The following JAM2 variants were observed in gnomAD, a reference collection of about 807,000 sequenced individuals.
JAM2 encodes junctional adhesion molecule 2.
A neutral mutation model predicts 42.0 loss-of-function variants in JAM2; 17 were observed. The observed-to-expected ratio is 0.40, with a 90% CI of 0.28 to 0.61. The LOEUF is 0.61. Ranked by LOEUF, JAM2 falls within the 20% of genes least tolerant of loss-of-function variation. The pLI is 0.37. For missense variants in JAM2, 319 were observed against 358.3 expected, an observed-to-expected ratio of 0.89 and a Z score of 0.89; for synonymous variants, 118 against 128.6, an observed-to-expected ratio of 0.92 and a Z score of 0.56.
At chr21:25,684,137 A>G (rs2033699050) in intron 2 of JAM2, among the ~76,000 whole-genome samples, 189 bp downstream of exon 2, 1 of 152,240 alleles carries the variant, frequency 6.6e-6, no homozygotes, top group African/African-American at 2.4e-5. Context: ...GAAATTTTCG[A>G]TATTCAATAA....
chr21:25,660,434 C>T (rs934932709), intron 1 of JAM2, among the ~76,000 whole-genome samples: 14 of 152,032 alleles, frequency 9.2e-5, no homozygotes, highest in African/African-American at 3.4e-4. Context: ...GGGATTACTT[C>T]CCCCAGGGGG....
At chr21:25,670,894 A>C (rs895090524) in intron 1 of JAM2, among the ~76,000 whole-genome samples, 3 of 152,202 alleles carry the variant, frequency 2.0e-5, no homozygotes, top group Non-Finnish European at 2.9e-5. Flanking sequence ...CTTCCTGAGG[A>C]CTAATCAAAG....
At chr21:25,657,293 C>T (rs891475418) in intron 1 of JAM2, among the ~76,000 whole-genome samples, 4 of 152,138 alleles carry the variant, frequency 2.6e-5, no homozygotes, top group Non-Finnish European at 5.9e-5. Context: ...GGATTACAGG[C>T]GTAAGCCACT....
intron 1 of JAM2, among the ~76,000 whole-genome samples, chr21:25,644,475 C>T (rs765744472): frequency 3.9e-5 from 6 of 152,160 alleles, no homozygotes; most frequent in African/African-American, 1.4e-4. Context: ...TCCCCACTCA[C>T]GGCCCTGCGA....
chr21:25,685,524 C>CAAAA lies in JAM2; in HGVS notation c.133+1597_133+1600dup, dbSNP rs776114627. Among the ~76,000 whole-genome samples, 189 of 50,350 alleles carry CAAAA rather than the reference C, an allele frequency of 3.8e-3. 3 individuals are homozygous for CAAAA. The highest frequency in any genetic ancestry group is 0.014 in the African/African-American group (149 of 10,938). 33.0% of individuals were successfully genotyped at this position (50,350 alleles called of 152,430 possible). On this transcript the variant is annotated intron_variant, in intron 2 of 9. Coordinates refer to ENST00000480456, the MANE Select transcript of JAM2 (RefSeq NM_021219.4). ...TGGACAACAAAGAGAGAGAATGTCT[C>CAAAA]AAAAAAAAAAAAAAAAAAAAAAAAG...
Position 25,639,633 on chromosome 21 carries a change from G to T in JAM2, c.-189G>T. On this transcript the variant is annotated 5_prime_UTR_variant, in exon 1 of 10. Transcript: ENST00000480456. ...CCCTGGGCTGGAGGACCCGCCTCTTGGCAGCCAGCTGAGAAGGCGCCCCGG... is the reference window on the plus strand; with the variant it reads ...CCCTGGGCTGGAGGACCCGCCTCTTTGCAGCCAGCTGAGAAGGCGCCCCGG... 2 of 514,618 alleles carry T rather than the reference G, an allele frequency of 3.9e-6. No individual in the cohort carries two copies. Among genetic ancestry groups the T allele is most frequent in the Non-Finnish European group, 6.9e-6 (2 of 290,474 alleles). 31.9% of individuals were successfully genotyped at this position (514,618 alleles called of 1,614,324 possible).
intron 1 of JAM2, among the ~76,000 whole-genome samples, chr21:25,647,732 C>T (rs957738972): frequency 1.3e-5 from 2 of 152,134 alleles, no homozygotes; most frequent in Non-Finnish European, 2.9e-5. Flanking sequence ...CAAAGGAGAA[C>T]GTGTGTGCAC....
intron 1 of JAM2, among the ~76,000 whole-genome samples, chr21:25,668,894 G>A (rs2033287442): frequency 6.6e-6 from 1 of 152,148 alleles, no homozygotes; most frequent in South Asian, 2.1e-4. Flanking sequence ...TTAAGAAGAA[G>A]GGTGTGATGG....
intron 7 of JAM2, among the ~76,000 whole-genome samples, chr21:25,709,045 C>T (rs575379333): frequency 5.9e-5 from 9 of 152,152 alleles, no homozygotes; most frequent in East Asian, 5.8e-4. Context: ...TGATAGGGCC[C>T]GCTGACTTTG....
rs957413672 is a variant in JAM2, at chr21:25,715,721, C to T, written c.*1049C>T. 6 of 152,134 alleles carry T rather than the reference C, an allele frequency of 3.9e-5. No homozygotes were observed. Among genetic ancestry groups the T allele is most frequent in the Non-Finnish European group, 5.9e-5 (4 of 68,040 alleles). The allele number at this position is 152,134 out of a possible 1,614,324, so 9.4% of individuals were successfully genotyped here. A position where few individuals can be genotyped will look rare whatever the true frequency, so the allele number is the denominator to read the frequency against. On this transcript the variant is annotated 3_prime_UTR_variant, in exon 10 of 10. Transcript: ENST00000480456. The stretch of plus-strand genomic sequence containing the variant: ...GTGGGCACATGAGCAATGGCTCAAA[C>T]GAAAAGTGGATCTAATGTGGGTTTC...
intron 1 of JAM2, among the ~76,000 whole-genome samples, chr21:25,648,003 G>A (rs2032662114): frequency 6.6e-6 from 1 of 152,178 alleles, no homozygotes; most frequent in South Asian, 2.1e-4. Context: ...CTGAGGTCAG[G>A]AGTTTGAAAC....
chr21:25,710,118 C>G (rs914759665), intron 8 of JAM2: 1 of 152,060 alleles, frequency 6.6e-6, no homozygotes, highest in Non-Finnish European at 1.5e-5. Flanking sequence ...GATGATTACC[C>G]AGACAAGAAA....
In JAM2 at chr21:25,706,098, T is replaced by C. The variant is rs375003996; in HGVS notation, c.805+12T>C. On this transcript the variant is annotated intron_variant, in intron 7 of 9. Coordinates refer to ENST00000480456, the MANE Select transcript of JAM2 (RefSeq NM_021219.4). Reference sequence around the variant, plus strand: ...AGGCTACTTTTCAAGTAAGTGAATTTCACCCTTCTTTGGCAGATAACTTTC... The same window carrying C: ...AGGCTACTTTTCAAGTAAGTGAATTCCACCCTTCTTTGGCAGATAACTTTC... 6.3e-5 allele frequency: 95 copies of C among 1,510,808 alleles called. No homozygotes were observed. Among genetic ancestry groups the C allele is most frequent in the Non-Finnish European group, 8.4e-5 (91 of 1,085,654 alleles). The allele number at this position is 1,510,808 out of a possible 1,614,324, so 93.6% of individuals were successfully genotyped here.
chr21:25,689,156 C>T (rs903179819), intron 2 of JAM2, among the ~76,000 whole-genome samples: 8 of 151,988 alleles, frequency 5.3e-5, no homozygotes, highest in Non-Finnish European at 1.0e-4. Flanking sequence ...GGCAGTTACA[C>T]TTGATGCTAA....
chr21:25,693,977 A>C (rs1601045023), intron 4 of JAM2, 69 bp downstream of exon 4: 1 of 1,477,822 alleles, frequency 6.8e-7, no homozygotes, highest in East Asian at 2.3e-5. Flanking sequence ...GGGGGCAAGC[A>C]AGCACTGGTC....
chr21:25,688,360 T>A lies in JAM2; in HGVS notation c.134-1506T>A, dbSNP rs544115435. Among the ~76,000 whole-genome samples the A allele has an allele frequency of 3.4e-4, 52 of 152,254 alleles. No homozygotes were observed. The South Asian group carries it at 8.9e-3, about 26-fold the overall frequency. On this transcript the variant is annotated intron_variant, in intron 2 of 9. Transcript: ENST00000480456. ...TGCAATTATTTAAGTGTAAAATTAC[T>A]CTTAAGACACAGAAGACATGAGGAA... is the stretch of plus-strand genomic sequence containing the variant.
At chr21:25,639,920 C>T (rs757416069) in intron 1 of JAM2, 32 bp downstream of exon 1, 1 of 1,454,736 alleles carries the variant, frequency 6.9e-7, no homozygotes, top group South Asian at 1.2e-5. Context: ...ACCCTTCCTG[C>T]CTGGACCAGC....
At chr21:25,649,052 G>A (rs531889350) in intron 1 of JAM2, among the ~76,000 whole-genome samples, 25 of 152,182 alleles carry the variant, frequency 1.6e-4, no homozygotes, top group Non-Finnish European at 3.1e-4. Context: ...AGACTGGTCT[G>A]CCTTATAGGA....
intron 3 of JAM2, 117 bp from the exon 4 acceptor site, chr21:25,693,639 T>C: frequency 2.3e-6 from 2 of 862,460 alleles, no homozygotes; most frequent in Non-Finnish European, 3.5e-6. Flanking sequence ...GCTTTAAACT[T>C]GAGTTTATTA....
Sources: allele counts gnomAD v4.1 joint callset (sites outside exome capture counted in the v4.1 genomes callset), GRCh38; gene constraint gnomAD v4.1.1; transcripts MANE v1.5; gene names NCBI Gene and HGNC (gene_info 2026-07-23, HGNC 2026-07-21).